MYT1L: variants seen among roughly 807,000 people sequenced by gnomAD.
MYT1L encodes the protein myelin transcription factor 1-like protein.
Under a neutral mutation model 126.7 loss-of-function variants are expected in MYT1L, and 12 were observed. The ratio of observed to expected loss-of-function variants is 0.09; its 90% CI spans 0.06 to 0.15. The LOEUF is 0.15. Among genes scored for constraint, MYT1L ranks in the 10% least tolerant of loss-of-function variants. MYT1L has a pLI of 1.00. For missense variants in MYT1L, 979 were observed against 1,585.2 expected (o/e 0.62, Z 6.49); for synonymous variants, 541 against 604.2 (o/e 0.90, Z 1.53).
chr2:2,179,303 C>A (rs2091154680), intron 2 of MYT1L, among the ~76,000 whole-genome samples: 1 of 152,220 alleles, frequency 6.6e-6, no homozygotes, highest in Middle Eastern at 3.2e-3. Flanking sequence ...AGGACTCAGG[C>A]ATAGCCCTGC....
intron 4 of MYT1L, among the ~76,000 whole-genome samples, chr2:1,997,715 C>T (rs922796274): frequency 6.6e-6 from 1 of 152,160 alleles, no homozygotes; most frequent in African/African-American, 2.4e-5. Context: ...TTCCCAGACT[C>T]GGGGTAGACT....
chr2:2,022,620 GC>G (rs2065146948), intron 4 of MYT1L, among the ~76,000 whole-genome samples: 1 of 151,738 alleles, frequency 6.6e-6, no homozygotes, highest in South Asian at 2.1e-4. Context: ...CCTCCAAGAT[GC>G]CCGCTTGGGC....
intron 13 of MYT1L, among the ~76,000 whole-genome samples, chr2:1,903,948 T>A (rs148268202): frequency 9.3e-5 from 14 of 150,910 alleles, no homozygotes; most frequent in African/African-American, 3.5e-4. Context: ...TGTGTGTGTG[T>A]GCGCGTGCGC....
intron 3 of MYT1L, among the ~76,000 whole-genome samples, chr2:2,170,526 G>A (rs2089880835): frequency 6.6e-6 from 1 of 152,100 alleles, no homozygotes. Context: ...AAAAATGTTG[G>A]CCCACCAGGT....
At chr2:2,082,270 T>C (rs2075915429) in intron 3 of MYT1L, among the ~76,000 whole-genome samples, 1 of 152,226 alleles carries the variant, frequency 6.6e-6, no homozygotes, top group Non-Finnish European at 1.5e-5. Flanking sequence ...CTTGGTTCAG[T>C]TGCTCAAGCT....
At chr2:2,307,143 A>G (rs1660536759) in intron 1 of MYT1L, among the ~76,000 whole-genome samples, 1 of 152,118 alleles carries the variant, frequency 6.6e-6, no homozygotes. Flanking sequence ...GAAATAGATG[A>G]GCATAATGCA....
At chr2:2,225,026 T>C (rs979637570) in intron 2 of MYT1L, among the ~76,000 whole-genome samples, 1 of 152,036 alleles carries the variant, frequency 6.6e-6, no homozygotes, top group African/African-American at 2.4e-5. Flanking sequence ...TTTTATTTTG[T>C]ACTGGGTCCC....
chr2:2,028,089 C>A (rs996596909), intron 4 of MYT1L, among the ~76,000 whole-genome samples: 17 of 152,250 alleles, frequency 1.1e-4, no homozygotes, highest in Admixed American at 9.2e-4. Flanking sequence ...CAATGCTTAG[C>A]CAATAAGCTT....
intron 1 of MYT1L, among the ~76,000 whole-genome samples, chr2:2,317,101 G>A (rs1481512550): frequency 1.3e-5 from 2 of 151,976 alleles, no homozygotes; most frequent in East Asian, 1.9e-4. Flanking sequence ...ATAGGTGCGA[G>A]CCACCATGCC....
intron 5 of MYT1L, among the ~76,000 whole-genome samples, chr2:1,992,916 G>A (rs761811699): frequency 6.6e-6 from 1 of 152,118 alleles, no homozygotes; most frequent in Non-Finnish European, 1.5e-5. Context: ...CCCTGCACCT[G>A]ATGGATCAGC....
chr2:1,913,799 C>G (rs1359730956), intron 11 of MYT1L, among the ~76,000 whole-genome samples: 1 of 152,138 alleles, frequency 6.6e-6, no homozygotes, highest in African/African-American at 2.4e-5. Context: ...CCAGCCTCGC[C>G]CCTGAATCCT....
chr2:2,002,705 T>C (rs1227037592), intron 4 of MYT1L, among the ~76,000 whole-genome samples: 1 of 152,138 alleles, frequency 6.6e-6, no homozygotes, highest in Non-Finnish European at 1.5e-5. Context: ...TCACCTTGAA[T>C]TGTAATCTTG....
chr2:2,126,075 G>C (rs554540594), intron 3 of MYT1L, among the ~76,000 whole-genome samples: 1 of 152,310 alleles, frequency 6.6e-6, no homozygotes, highest in East Asian at 1.9e-4. Flanking sequence ...ATTTGGAAAG[G>C]GGAGAGTAGG....
intron 14 of MYT1L, among the ~76,000 whole-genome samples, chr2:1,895,874 A>G (rs1421570745): frequency 6.6e-6 from 1 of 152,258 alleles, no homozygotes; most frequent in Non-Finnish European, 1.5e-5. Context: ...CTGCACAGCA[A>G]AAGAAACTAT....
At chr2:1,864,275 C>A (rs930432409) in intron 18 of MYT1L, among the ~76,000 whole-genome samples, 2 of 152,200 alleles carry the variant, frequency 1.3e-5, no homozygotes, top group East Asian at 1.9e-4. Context: ...AAGCCCCCAG[C>A]AGACCTGGCA....
At position 1,806,922 on chromosome 2, in the gene MYT1L, G is replaced by A. The variant is rs1337840281; in HGVS notation, c.3172+2154C>T. Among the ~76,000 whole-genome samples the A allele has an allele frequency of 2.0e-5, 3 of 152,218 alleles. No individual in the cohort carries two copies. Among genetic ancestry groups the A allele is most frequent in the Admixed American group, 6.5e-5 (1 of 15,282 alleles). On this transcript the variant is annotated intron_variant, in intron 22 of 24. Transcript: ENST00000647738. This position sits in a 1 kb window ranked among gnomAD's most constrained non-coding sequence, Gnocchi z 4.9. The stretch of plus-strand genomic sequence containing the variant: ...CCTCTAAGTATTTTGAAAAGCGCCC[G>A]GCATGCAGATGGGGCTTAGGGAATG...
intron 1 of MYT1L, among the ~76,000 whole-genome samples, chr2:2,294,443 C>T (rs1410160339): frequency 6.6e-6 from 1 of 152,116 alleles, no homozygotes; most frequent in African/African-American, 2.4e-5. Context: ...ACAGCATCAC[C>T]CAGAAGCCGC....
rs1002987926 is a variant in MYT1L at position 1,848,055 on chromosome 2, C to T, written c.2774+3586G>A. ...CAGCTCTGCTACTGAATCTCCTGGC[C>T]CCTCAGTTTCCTCAAATTCAAAAGT... is the stretch of plus-strand genomic sequence containing the variant. On this transcript the variant is annotated intron_variant, in intron 19 of 24. Coordinates refer to ENST00000647738, the MANE Select transcript of MYT1L (RefSeq NM_001303052.2). This position sits in a 1 kb window ranked among gnomAD's most constrained non-coding sequence, Gnocchi z 4.8. Among the ~76,000 whole-genome samples, 5 of 152,148 alleles carry T rather than the reference C, an allele frequency of 3.3e-5. No individual in the cohort carries two copies. Among genetic ancestry groups the T allele is most frequent in the African/African-American group, 1.2e-4 (5 of 41,428 alleles).
chr2:1,919,779 A>G (rs1047671458), intron 10 of MYT1L, among the ~76,000 whole-genome samples: 1 of 151,994 alleles, frequency 6.6e-6, no homozygotes, highest in African/African-American at 2.4e-5. Flanking sequence ...CCCAGGCTGG[A>G]GTTCAGTGGC....
Sources: allele counts gnomAD v4.1 joint callset (sites outside exome capture counted in the v4.1 genomes callset), GRCh38; gene constraint gnomAD v4.1.1; non-coding constraint Gnocchi (gnomAD v3.1); transcripts MANE v1.5; gene names NCBI Gene and HGNC (gene_info 2026-07-23, HGNC 2026-07-21).